GRIP1: variants seen among roughly 807,000 people sequenced by gnomAD.
The protein encoded by GRIP1 is glutamate receptor-interacting protein 1.
A neutral mutation model predicts 129.9 loss-of-function variants in GRIP1; 45 were observed. That is an observed-to-expected ratio of 0.35 (90% CI 0.27 to 0.44). The LOEUF (loss-of-function observed/expected upper bound fraction) is 0.44. GRIP1 is among the 20% of genes least tolerant of loss of function. GRIP1 has a pLI of 1.00. For missense variants in GRIP1, 1,196 were observed against 1,396.8 expected, an observed-to-expected ratio of 0.86 and a Z score of 2.29; for synonymous variants, 530 against 520.8, an observed-to-expected ratio of 1.02 and a Z score of -0.24.
intron 1 of GRIP1, among the ~76,000 whole-genome samples, chr12:66,993,858 G>C (rs535023079): frequency 2.0e-5 from 3 of 149,330 alleles, no homozygotes; most frequent in Non-Finnish European, 4.4e-5. Flanking sequence ...AAATAAAAAG[G>C]ACTATAAAGG....
At chr12:66,810,295 C>T (rs1592867316) in intron 1 of GRIP1, among the ~76,000 whole-genome samples, 1 of 152,102 alleles carries the variant, frequency 6.6e-6, no homozygotes, top group Non-Finnish European at 1.5e-5. Context: ...TGGTGGCTCA[C>T]AGCTGTAATG....
chr12:67,028,532 A>T (rs1329157678), intron 1 of GRIP1, among the ~76,000 whole-genome samples: 1 of 152,226 alleles, frequency 6.6e-6, no homozygotes, highest in Non-Finnish European at 1.5e-5. Flanking sequence ...CATATTATTT[A>T]GTATAATGCA....
At chr12:66,407,838 A>ACACT (rs2057250219) in intron 15 of GRIP1, among the ~76,000 whole-genome samples, 1 of 152,166 alleles carries the variant, frequency 6.6e-6, no homozygotes, top group African/African-American at 2.4e-5. Context: ...CTTGGGGGGC[A>ACACT]TGTGACCTAG....
At chr12:66,906,331 G>A (rs2040931833) in intron 1 of GRIP1, among the ~76,000 whole-genome samples, 1 of 152,078 alleles carries the variant, frequency 6.6e-6, no homozygotes, top group Non-Finnish European at 1.5e-5. Context: ...CTACTTGGGA[G>A]GCTGAGGTGG....
chr12:66,948,904 C>T (rs560166940), intron 1 of GRIP1, among the ~76,000 whole-genome samples: 15 of 152,192 alleles, frequency 9.9e-5, no homozygotes, highest in South Asian at 4.1e-4. Context: ...TTTTATTTTA[C>T]GCCTACTTTC....
intron 1 of GRIP1, among the ~76,000 whole-genome samples, chr12:66,947,923 C>T (rs2041697568): frequency 1.3e-5 from 2 of 152,194 alleles, no homozygotes; most frequent in African/African-American, 2.4e-5. Context: ...TGCTCCTGCA[C>T]TATCTTTTTC....
chr12:66,694,777 T>G (rs1240030307), intron 1 of GRIP1, among the ~76,000 whole-genome samples: 2 of 152,172 alleles, frequency 1.3e-5, no homozygotes, highest in African/African-American at 4.8e-5. Flanking sequence ...TATAAGTCAT[T>G]ACTATTCCTG....
intron 4 of GRIP1, 115 bp from the exon 5 acceptor site, chr12:66,530,029 T>G: frequency 1.4e-6 from 1 of 705,588 alleles, no homozygotes; most frequent in Non-Finnish European, 2.5e-6. Context: ...TTTTGAGTAA[T>G]AAGCAACAAT....
In GRIP1 at chr12:66,634,688, A is replaced by T. The variant is rs1340431686; in HGVS notation, c.56-37761T>A. On this transcript the variant is annotated intron_variant, in intron 1 of 24. Transcript: ENST00000359742. ...TCTTTGACTTTCAGACACTTAAGAAAATGTTTCAAGGCAAAGAAGTCATAT... is the reference window on the plus strand; with the variant it reads ...TCTTTGACTTTCAGACACTTAAGAATATGTTTCAAGGCAAAGAAGTCATAT... Among the ~76,000 whole-genome samples the T allele has an allele frequency of 3.3e-5, 5 of 152,356 alleles. No homozygotes were observed. The South Asian group carries it at 1.0e-3, about 32-fold the overall frequency.
At chr12:66,739,846 GA>G (rs1253572089) in intron 1 of GRIP1, among the ~76,000 whole-genome samples, 1 of 151,974 alleles carries the variant, frequency 6.6e-6, no homozygotes, top group African/African-American at 2.4e-5. Flanking sequence ...ACTGAATAAG[GA>G]AAAATCAGCA....
intron 1 of GRIP1, among the ~76,000 whole-genome samples, chr12:66,793,972 C>G (rs1272272059): frequency 1.3e-5 from 2 of 152,106 alleles, no homozygotes; most frequent in African/African-American, 2.4e-5. Context: ...ATGCACTGAT[C>G]TCAGGAGATC....
chr12:66,533,889 T>A (rs200107218), intron 4 of GRIP1, among the ~76,000 whole-genome samples: 269 of 130,174 alleles, frequency 2.1e-3, no homozygotes, highest in African/African-American at 5.8e-3. Flanking sequence ...ATACACACAC[T>A]CTCTCTCTCT....
intron 2 of GRIP1, among the ~76,000 whole-genome samples, chr12:66,549,107 T>C (rs1394556403): frequency 6.6e-6 from 1 of 152,194 alleles, no homozygotes; most frequent in Non-Finnish European, 1.5e-5. Flanking sequence ...AATTTTGAAA[T>C]GCTGGTGTCA....
Position 66,899,511 on chromosome 12 carries a change from C to T in GRIP1, c.58+169539G>A, listed in dbSNP as rs1052637793. 6.6e-5 allele frequency among the ~76,000 whole-genome samples: 10 copies of T among 152,034 alleles called. No homozygotes were observed. The East Asian group carries it at 9.7e-4, about 15-fold the overall frequency. On this transcript the variant is annotated intron_variant, in intron 1 of 1. Coordinates refer to the GRIP1 transcript ENST00000643019. ...CTGAGTAGCTAGGATTACAAATTCA[C>T]GCCACCATACCTGGCTATTTTTTTT... is the stretch of plus-strand genomic sequence containing the variant.
At chr12:66,593,896 G>A (rs536543983) in intron 2 of GRIP1, among the ~76,000 whole-genome samples, 2 of 151,892 alleles carry the variant, frequency 1.3e-5, no homozygotes, top group Non-Finnish European at 2.9e-5. Flanking sequence ...GTGAAACCCC[G>A]TCTCTACTAA....
intron 1 of GRIP1, among the ~76,000 whole-genome samples, chr12:66,843,806 A>AAGG (rs2039764491): frequency 7.3e-6 from 1 of 137,332 alleles, no homozygotes; most frequent in Admixed American, 7.2e-5. Flanking sequence ...ATTAACTTGA[A>AAGG]ATGGATATAA....
intron 1 of GRIP1, among the ~76,000 whole-genome samples, chr12:66,892,542 A>T (rs1360974401): frequency 2.0e-5 from 3 of 152,082 alleles, no homozygotes; most frequent in Non-Finnish European, 4.4e-5. Context: ...TCTAAATGAG[A>T]GACCTTTTCA....
intron 1 of GRIP1, among the ~76,000 whole-genome samples, chr12:67,020,410 C>T (rs1565642356): frequency 6.6e-6 from 1 of 152,162 alleles, no homozygotes. Flanking sequence ...CACTTAAGCA[C>T]TCATTCATTC....
chr12:66,474,177 G>A (rs1243246617), intron 7 of GRIP1, among the ~76,000 whole-genome samples: 1 of 151,914 alleles, frequency 6.6e-6, no homozygotes, highest in African/African-American at 2.4e-5. Flanking sequence ...AGAACTTTGT[G>A]AAGCATACGG....
Sources: gnomAD v4.1 joint callset for allele counts (sites outside exome capture counted in the v4.1 genomes callset) on GRCh38, gnomAD v4.1.1 for gene constraint, MANE v1.5 for transcripts, NCBI Gene and HGNC (gene_info 2026-07-23, HGNC 2026-07-21) for gene names.